The following ABHD12 variants were observed in gnomAD, a reference collection of about 807,000 sequenced individuals.
ABHD12 encodes the protein lysophosphatidylserine lipase ABHD12.
A neutral mutation model predicts 58.3 loss-of-function variants in ABHD12; 43 were observed. The observed-to-expected ratio is 0.74, with a 90% CI of 0.58 to 0.95. The LOEUF is 0.95. ABHD12 is among the 40% of genes least tolerant of loss of function. ABHD12 has a pLI of 0.00. For synonymous variants in ABHD12, 219 were observed against 211.2 expected, an observed-to-expected ratio of 1.04 and a Z score of -0.32; for missense variants, 539 against 537.2, an observed-to-expected ratio of 1.00 and a Z score of -0.03.
In ABHD12 at chr20:25,346,705, C is replaced by T. The variant is rs555955071; in HGVS notation, c.192-7354G>A. Among the ~76,000 whole-genome samples the T allele has an allele frequency of 3.9e-4, 59 of 152,284 alleles. No homozygotes were observed. The South Asian group carries it at 0.011, about 27-fold the overall frequency. On this transcript the variant is annotated intron_variant, in intron 1 of 12. Coordinates refer to ENST00000339157, the MANE Select transcript of ABHD12 (RefSeq NM_001042472.3). ...TGTCGCCCAGGCTAGAGTGCAGTGG[C>T]GTGATCTCGGCTCACTGTAAGCTCT...
At chr20:25,332,132 CA>C (rs1190793852) in intron 2 of ABHD12, among the ~76,000 whole-genome samples, 1 of 151,140 alleles carries the variant, frequency 6.6e-6, no homozygotes, top group Non-Finnish European at 1.5e-5. Context: ...AAATGGAAAA[CA>C]AAAAAAGGCA....
intron 1 of ABHD12, among the ~76,000 whole-genome samples, chr20:25,366,162 G>C (rs2089818110): frequency 6.6e-6 from 1 of 151,896 alleles, no homozygotes; most frequent in African/African-American, 2.4e-5. Context: ...ATTCCTAGAA[G>C]TTCTTTATTA....
chr20:25,329,387 G>A (rs894718388), intron 2 of ABHD12, among the ~76,000 whole-genome samples: 4 of 152,216 alleles, frequency 2.6e-5, no homozygotes, highest in African/African-American at 7.2e-5. Flanking sequence ...CAGGGCTGCT[G>A]GGACTGAGGC....
downstream of ABHD12, among the ~76,000 whole-genome samples, chr20:25,299,493 C>CAAAA (rs562256712): frequency 1.4e-5 from 2 of 139,322 alleles, no homozygotes; most frequent in East Asian, 4.1e-4. Flanking sequence ...TTACATAGAC[C>CAAAA]AAAAAAAAAA....
At chr20:25,320,068 G>T in intron 4 of ABHD12, 131 bp downstream of exon 4, 1 of 1,290,568 alleles carries the variant, frequency 7.7e-7, no homozygotes, top group South Asian at 1.3e-5. Flanking sequence ...CCTCATTGCA[G>T]TGGGTCAGTA....
intron 12 of ABHD12, among the ~76,000 whole-genome samples, chr20:25,301,651 C>A (rs2424709): frequency 0.13 from 19,102 of 152,298 alleles, 1,458 homozygotes; most frequent in Non-Finnish European, 0.18. Context: ...GGGCCCAGGG[C>A]AGTACAGAGG....
At chr20:25,303,456 C>G (rs550704953) in intron 11 of ABHD12, 94 bp downstream of exon 11, 3 of 1,558,284 alleles carry the variant, frequency 1.9e-6, no homozygotes, top group East Asian at 4.8e-5. Context: ...CATGCAGGGG[C>G]TGCCTTCCCG....
chr20:25,385,066 G>A (rs751703050), intron 1 of ABHD12, among the ~76,000 whole-genome samples: 18 of 151,834 alleles, frequency 1.2e-4, no homozygotes, highest in Non-Finnish European at 2.2e-4. Flanking sequence ...GGCCAGGCGC[G>A]GTGGCTCACG....
At chr20:25,359,904 G>A (rs955799662) in intron 1 of ABHD12, among the ~76,000 whole-genome samples, 1 of 152,100 alleles carries the variant, frequency 6.6e-6, no homozygotes, top group African/African-American at 2.4e-5. Flanking sequence ...CTAAATCTTT[G>A]TCTGACATTA....
downstream of ABHD12, chr20:25,295,702 C>CA: frequency 6.3e-7 from 1 of 1,584,920 alleles, no homozygotes; most frequent in Non-Finnish European, 8.7e-7. Context: ...GCTAGGGGAG[C>CA]AGCTGGGTGG....
chr20:25,326,116 A>C (rs1600802378), intron 2 of ABHD12, among the ~76,000 whole-genome samples: 2 of 116,776 alleles, frequency 1.7e-5, no homozygotes, highest in South Asian at 3.2e-4. Flanking sequence ...AGTGAAGGGG[A>C]GGGGAGGGGA....
intron 1 of ABHD12, among the ~76,000 whole-genome samples, chr20:25,351,623 T>C (rs1327516066): frequency 6.6e-6 from 1 of 152,218 alleles, no homozygotes; most frequent in Non-Finnish European, 1.5e-5. Context: ...TTTATTATCA[T>C]TTAAAATAAA....
intron 4 of ABHD12, among the ~76,000 whole-genome samples, chr20:25,319,798 TACA>T (rs765414429): frequency 1.3e-5 from 2 of 152,128 alleles, no homozygotes; most frequent in Admixed American, 1.3e-4. Flanking sequence ...CCTTTGAGAT[TACA>T]ACAAGGAGAA....
At chr20:25,305,888 G>A (rs552645866) in intron 10 of ABHD12, among the ~76,000 whole-genome samples, 1 of 152,204 alleles carries the variant, frequency 6.6e-6, no homozygotes, top group African/African-American at 2.4e-5. Context: ...AGTATCAGCA[G>A]GGCTCAGTGG....
At chr20:25,354,290 C>A (rs2089639910) in intron 1 of ABHD12, among the ~76,000 whole-genome samples, 1 of 152,054 alleles carries the variant, frequency 6.6e-6, no homozygotes, top group Non-Finnish European at 1.5e-5. Flanking sequence ...GGTGTAGCGG[C>A]AGAAGACGGA....
At chr20:25,358,412 G>C (rs148878654) in intron 1 of ABHD12, among the ~76,000 whole-genome samples, 2 of 152,304 alleles carry the variant, frequency 1.3e-5, no homozygotes, top group East Asian at 3.9e-4. Flanking sequence ...GCTGCAGGCA[G>C]GAGTTTCTTC....
intron 1 of ABHD12, among the ~76,000 whole-genome samples, chr20:25,361,441 G>T (rs1032433403): frequency 2.6e-5 from 4 of 152,032 alleles, no homozygotes; most frequent in Admixed American, 2.0e-4. Context: ...GCTCACCCAG[G>T]CTGGAGTGCA....
chr20:25,364,948 G>A (rs978702692), intron 1 of ABHD12, among the ~76,000 whole-genome samples: 1 of 152,156 alleles, frequency 6.6e-6, no homozygotes, highest in African/African-American at 2.4e-5. Flanking sequence ...CCTTCCCTAC[G>A]GAGTGTAGAG....
downstream of ABHD12, chr20:25,297,054 G>A (rs199560060): frequency 1.9e-5 from 3 of 161,278 alleles, no homozygotes; most frequent in Middle Eastern, 3.0e-3. Context: ...TCTAGGCATC[G>A]CCTTCACAGC....
Sources: gnomAD v4.1 joint callset for allele counts (sites outside exome capture counted in the v4.1 genomes callset) on GRCh38, gnomAD v4.1.1 for gene constraint, MANE v1.5 for transcripts, NCBI Gene and HGNC (gene_info 2026-07-23, HGNC 2026-07-21) for gene names.